Variants in LRIG2 observed in about 807,000 individuals in gnomAD.
LRIG2 encodes the protein leucine-rich repeats and immunoglobulin-like domains protein 2.
In LRIG2, 93 loss-of-function variants were observed where a neutral mutation model predicts 107.8. The ratio of observed to expected loss-of-function variants is 0.86; its 90% confidence interval spans 0.73 to 1.03. LRIG2 has a LOEUF of 1.03. Ranked by LOEUF, LRIG2 falls within the 50% of genes least tolerant of loss-of-function variation. The pLI, the probability that LRIG2 is intolerant of heterozygous loss-of-function variation, is 0.00. For missense variants in LRIG2, 1,226 were observed against 1,296.0 expected, an observed-to-expected ratio of 0.95 and a Z score of 0.83; for synonymous variants, 471 against 470.6, an observed-to-expected ratio of 1.00 and a Z score of -0.01.
At chr1:113,095,756 C>A in intron 6 of LRIG2, 118 bp from the exon 7 acceptor site, 2 of 904,942 alleles carry the variant, frequency 2.2e-6, no homozygotes, top group Non-Finnish European at 3.4e-6. Context: ...TAGAATTGGT[C>A]AGCTCAGTTG....
Position 113,100,234 on chromosome 1 carries a change from A to G in LRIG2, c.1196A>G (p.Lys399Arg), listed in dbSNP as rs1247565268. 6.3e-7 allele frequency: 1 copy of G among 1,586,394 alleles called. No individual in the cohort carries two copies. Among genetic ancestry groups the G allele is most frequent in the African/African-American group, 1.3e-5 (1 of 74,462 alleles). ...TKLILQGNQIKSITKKAFIGL... is the reference protein window; with the variant it reads ...TKLILQGNQIRSITKKAFIGL... ...AGAATCTTACAAGGAAACCAGATTA[A>G]GTCAATTACAAAGAAAGCATTCATT... The change falls in exon 10 of 18, where the codon AAG (lysine) becomes AGG (arginine). Residue 399 changes from lysine to arginine, a missense_variant. Lys to Arg is a conservative substitution (Grantham distance 26). This residue lies in a region of LRIG2 where 570 missense variants were observed against 550.2 expected (regional missense o/e 1.04). Coordinates refer to ENST00000361127, the MANE Select transcript of LRIG2 (RefSeq NM_014813.3).
rs771454433 is a variant in LRIG2 at position 113,114,902 on chromosome 1, T to C, written c.2530+26T>C. ...GTAAGTAGTACCCACATGACACCTATGGCTTGTACTTCAGTCAAGAATGTA... is the reference window on the plus strand; with the variant it reads ...GTAAGTAGTACCCACATGACACCTACGGCTTGTACTTCAGTCAAGAATGTA... On this transcript the variant is annotated intron_variant, in intron 15 of 17. Coordinates refer to ENST00000361127, the MANE Select transcript of LRIG2 (RefSeq NM_014813.3). The C allele has an allele frequency of 3.3e-6, 5 of 1,535,012 alleles. No homozygotes were observed. The South Asian group carries it at 5.9e-5, about 18-fold the overall frequency.
intron 1 of LRIG2, among the ~76,000 whole-genome samples, chr1:113,080,196 T>A (rs1429980858): frequency 6.7e-6 from 1 of 150,292 alleles, no homozygotes; most frequent in Non-Finnish European, 1.5e-5. Context: ...AATTTTTGTA[T>A]TTTTAGTAGA....
At position 113,073,263 on chromosome 1, in the gene LRIG2, T is replaced by A; in HGVS notation, c.-144T>A. ...GACCCCGCTGTCGCGCTGCGTCTGC[T>A]CCTTGCATGCCTTTAGATGGTACAG... is the stretch of plus-strand genomic sequence containing the variant. On this transcript the variant is annotated 5_prime_UTR_variant, in exon 1 of 18. Coordinates refer to ENST00000361127, the MANE Select transcript of LRIG2 (RefSeq NM_014813.3). 2.8e-6 allele frequency: 2 copies of A among 710,056 alleles called. No homozygotes were observed. The highest frequency in any genetic ancestry group is 4.9e-6 in the Non-Finnish European group (2 of 409,104). 44.0% of individuals were successfully genotyped at this position (710,056 alleles called of 1,614,324 possible).
intron 11 of LRIG2, among the ~76,000 whole-genome samples, chr1:113,102,420 CA>C (rs58974040): frequency 0.02 from 3,055 of 152,070 alleles, 116 homozygotes; most frequent in African/African-American, 0.069. Flanking sequence ...AGGTGCCCCC[CA>C]ACCACGCCCG....
rs540379154 is a variant in LRIG2, at chr1:113,078,422, A to G, written c.239+4777A>G. Among the ~76,000 whole-genome samples the G allele has an allele frequency of 9.2e-5, 14 of 151,726 alleles. No individual in the cohort carries two copies. The East Asian group carries it at 2.7e-3, about 30-fold the overall frequency. On this transcript the variant is annotated intron_variant, in intron 1 of 17. Transcript: ENST00000361127. ...CCAGGCTAATTTTTGTATTTTTAGT[A>G]GAGACGGGGTTTCACCATGTTGGCC...
At chr1:113,118,363 G>A (rs528973294) in intron 16 of LRIG2, among the ~76,000 whole-genome samples, 123 of 152,328 alleles carry the variant, frequency 8.1e-4, no homozygotes, top group African/African-American at 2.6e-3. Context: ...TGTCAGGCAG[G>A]ACTTCTCATT....
rs1407215454 is a variant in LRIG2, at chr1:113,112,460, G to T, written c.1799-19G>T. The stretch of plus-strand genomic sequence containing the variant: ...TTGTTCCCTTGCCCACTTTTTCTTG[G>T]TGATTTTTCTGGAAACAGAGATGCC... On this transcript the variant is annotated intron_variant, in intron 13 of 17. Coordinates refer to ENST00000361127, the MANE Select transcript of LRIG2 (RefSeq NM_014813.3). 1.9e-6 allele frequency: 3 copies of T among 1,587,568 alleles called. No homozygotes were observed. The highest frequency in any genetic ancestry group is 2.3e-5 in the South Asian group (2 of 88,496).
At chr1:113,074,751 A>G (rs892529009) in intron 1 of LRIG2, among the ~76,000 whole-genome samples, 6 of 151,664 alleles carry the variant, frequency 4.0e-5, no homozygotes, top group Non-Finnish European at 5.9e-5. Context: ...TACTAAAAAT[A>G]CAAAAAAATT....
chr1:113,120,595 C>T (rs1655207934), intron 17 of LRIG2, among the ~76,000 whole-genome samples: 1 of 150,932 alleles, frequency 6.6e-6, no homozygotes, highest in Non-Finnish European at 1.5e-5. Context: ...ACCAGGACCT[C>T]CGCCTCCCGG....
intron 3 of LRIG2, 40 bp downstream of exon 3, chr1:113,093,320 A>C: frequency 6.4e-7 from 1 of 1,553,330 alleles, no homozygotes; most frequent in Non-Finnish European, 8.7e-7. Context: ...TTAAATTATG[A>C]AAAGTATACA....
intron 8 of LRIG2, among the ~76,000 whole-genome samples, chr1:113,098,081 A>G (rs1300369272): frequency 6.6e-6 from 1 of 152,192 alleles, no homozygotes; most frequent in Admixed American, 6.5e-5. Flanking sequence ...TTATCATAAC[A>G]TGATGTGGTA....
Position 113,124,267 on chromosome 1 carries a change from T to G in LRIG2, c.*166T>G. 1 of 625,890 alleles carries G rather than the reference T, an allele frequency of 1.6e-6. No homozygotes were observed. The allele number at this position is 625,890 out of a possible 1,614,324, so 38.8% of individuals were successfully genotyped here. A position where few individuals can be genotyped will look rare whatever the true frequency, so the allele number is the denominator to read the frequency against. ...ATGCGTTGTTTGGTCTTATACCTGA[T>G]GAAGAAATGGCAACAGCTGACAGAA... On this transcript the variant is annotated 3_prime_UTR_variant, in exon 18 of 18. Transcript: ENST00000361127.
Position 113,091,342 on chromosome 1 carries a change from T to TA in LRIG2, c.266dup (p.Asn89LysfsTer20). 1 of 1,606,616 alleles carries TA rather than the reference T, an allele frequency of 6.2e-7. No individual in the cohort carries two copies. Among genetic ancestry groups the TA allele is most frequent in the Non-Finnish European group, 8.5e-7 (1 of 1,175,430 alleles). On this transcript the variant is annotated frameshift_variant, in exon 2 of 18. Coordinates refer to ENST00000361127, the MANE Select transcript of LRIG2 (RefSeq NM_014813.3). LOFTEE classifies it high-confidence loss of function. ...GGGATTTCAGTCATAATCGGTTGTC[T>TA]AACTGGAACATCAGCTTGGAATCAC... is the stretch of plus-strand genomic sequence containing the variant.
rs1331868565 is a variant in LRIG2 at position 113,126,563 on chromosome 1, A to G, written c.*2462A>G. On this transcript the variant is annotated 3_prime_UTR_variant, in exon 18 of 18. Coordinates refer to ENST00000361127, the MANE Select transcript of LRIG2 (RefSeq NM_014813.3). ...TCAGCCTTCCATTATTAAGGATAAA[A>G]TTGATCCCTACATTGAATCTGAAAT... 1 of 152,222 alleles carries G rather than the reference A, an allele frequency of 6.6e-6. No homozygotes were observed. The allele number at this position is 152,222 out of a possible 1,614,324, so 9.4% of individuals were successfully genotyped here. A position where few individuals can be genotyped will look rare whatever the true frequency, so the allele number is the denominator to read the frequency against.
intron 11 of LRIG2, among the ~76,000 whole-genome samples, chr1:113,103,992 T>G (rs1654421915): frequency 6.6e-6 from 1 of 152,106 alleles, no homozygotes; most frequent in Admixed American, 6.6e-5. Context: ...ATCCTACTTC[T>G]CCCATGGCAA....
rs1320766148 is a variant in LRIG2 at position 113,073,830 on chromosome 1, G to T, written c.239+185G>T. ...GGGAGCCTAAAAAAGCCGGTGTTAAGGTTTCTGGAGAATTGTATGAAGACG... is the reference window on the plus strand; with the variant it reads ...GGGAGCCTAAAAAAGCCGGTGTTAATGTTTCTGGAGAATTGTATGAAGACG... On this transcript the variant is annotated intron_variant, in intron 1 of 17. Transcript: ENST00000361127. Among the ~76,000 whole-genome samples the T allele has an allele frequency of 6.6e-5, 10 of 152,218 alleles. No individual in the cohort carries two copies. The East Asian group carries it at 1.9e-3, about 29-fold the overall frequency.
At position 113,080,962 on chromosome 1, in the gene LRIG2, G is replaced by C. The variant is rs562294586; in HGVS notation, c.239+7317G>C. On this transcript the variant is annotated intron_variant, in intron 1 of 17. Transcript: ENST00000361127. ...GGGTTCAAGGGATTCTCCTGCCTCA[G>C]CCTCCTGAGTAGCTGGGATTACAGG... 2.0e-4 allele frequency among the ~76,000 whole-genome samples: 30 copies of C among 149,454 alleles called. 1 individual carries two copies. Among genetic ancestry groups the C allele is most frequent in the Non-Finnish European group, 3.2e-4 (22 of 67,782 alleles).
At chr1:113,098,097 G>GC (rs1287679545) in intron 8 of LRIG2, among the ~76,000 whole-genome samples, 2 of 152,096 alleles carry the variant, frequency 1.3e-5, no homozygotes, top group South Asian at 2.1e-4. Context: ...TGGTACAATT[G>GC]CATTTCCTCT....
Sources: allele counts gnomAD v4.1 joint callset (sites outside exome capture counted in the v4.1 genomes callset), GRCh38; gene constraint gnomAD v4.1.1; regional missense constraint gnomAD v4.1.1; transcripts MANE v1.5; gene names NCBI Gene and HGNC (gene_info 2026-07-23, HGNC 2026-07-21).